Variants in ATP2B2 observed in about 807,000 individuals in gnomAD.
ATP2B2 encodes the protein plasma membrane calcium-transporting ATPase 2.
Under a neutral mutation model 120.0 loss-of-function variants are expected in ATP2B2, and 15 were observed. That is an observed-to-expected ratio of 0.12 (90% CI 0.08 to 0.19). ATP2B2 has a LOEUF of 0.19. ATP2B2 is among the 10% of genes least tolerant of loss of function. ATP2B2 has a pLI of 1.00. For missense variants in ATP2B2, 1,045 were observed against 1,719.8 expected (o/e 0.61, Z 6.94); for synonymous variants, 694 against 700.3 (o/e 0.99, Z 0.14).
intron 1 of ATP2B2, among the ~76,000 whole-genome samples, chr3:10,477,173 A>G (rs1338981876): frequency 6.6e-6 from 1 of 152,186 alleles, no homozygotes; most frequent in Non-Finnish European, 1.5e-5. Context: ...CCCACACTTC[A>G]GCTTCAACAG....
intron 1 of ATP2B2, among the ~76,000 whole-genome samples, chr3:10,654,351 C>A (rs11128522): frequency 0.46 from 70,296 of 151,974 alleles, 18,764 homozygotes; most frequent in Non-Finnish European, 0.6. Flanking sequence ...TACTTAGAAC[C>A]GGACACATAA....
intron 1 of ATP2B2, among the ~76,000 whole-genome samples, chr3:10,627,080 G>A (rs114086752): frequency 0.018 from 2,770 of 152,322 alleles, 84 homozygotes; most frequent in African/African-American, 0.063. Context: ...AAGAGTGGGT[G>A]AGTCAACTAA....
chr3:10,616,145 C>T (rs577780794), intron 2 of ATP2B2, among the ~76,000 whole-genome samples: 1 of 152,234 alleles, frequency 6.6e-6, no homozygotes, highest in Admixed American at 6.5e-5. Context: ...GTCCCTGTTA[C>T]AGCCTGAATT....
At chr3:10,624,174 C>CT (rs2069628670) in intron 1 of ATP2B2, among the ~76,000 whole-genome samples, 1 of 152,102 alleles carries the variant, frequency 6.6e-6, no homozygotes, top group Admixed American at 6.5e-5. Flanking sequence ...ACCTTGAAAA[C>CT]TTTTTTTGGA....
chr3:10,520,317 G>A (rs1446473950), intron 3 of ATP2B2, among the ~76,000 whole-genome samples: 1 of 152,186 alleles, frequency 6.6e-6, no homozygotes, highest in South Asian at 2.1e-4. Context: ...AGGGGAGGGG[G>A]GTGCCGGTTT....
intron 1 of ATP2B2, among the ~76,000 whole-genome samples, chr3:10,486,526 G>A (rs968639917): frequency 2.0e-5 from 3 of 151,964 alleles, no homozygotes; most frequent in African/African-American, 2.4e-5. Flanking sequence ...CTTTAAACGT[G>A]CCCAGTATGT....
chr3:10,350,222 G>A (rs751023595), intron 15 of ATP2B2, 23 bp from the exon 16 acceptor site: 3 of 1,593,668 alleles, frequency 1.9e-6, no homozygotes, highest in Admixed American at 1.7e-5. Context: ...GGGGAAGGGG[G>A]CGGGTCGGTG....
intron 10 of ATP2B2, among the ~76,000 whole-genome samples, chr3:10,377,631 G>A (rs184722852): frequency 6.6e-6 from 1 of 152,320 alleles, no homozygotes; most frequent in Non-Finnish European, 1.5e-5. Flanking sequence ...AGTTTGTTGT[G>A]CGGGGGCTCA....
At position 10,347,441 on chromosome 3, in the gene ATP2B2, G is replaced by A. The variant is rs536302330; in HGVS notation, c.2405-1304C>T. ...TCTCTCTGCTCTGTGCCTAGCAGACGGCAGCAGCCTGTGGAATGAGGCGCT... is the reference window on the plus strand; with the variant it reads ...TCTCTCTGCTCTGTGCCTAGCAGACAGCAGCAGCCTGTGGAATGAGGCGCT... On this transcript the variant is annotated intron_variant, in intron 16 of 22. Transcript: ENST00000360273. The surrounding 1 kb of genome is among the most constrained non-coding windows in gnomAD (Gnocchi z 5.2). Among the ~76,000 whole-genome samples, 16 of 152,310 alleles carry A rather than the reference G, an allele frequency of 1.1e-4. No homozygotes were observed. In the South Asian group the frequency reaches 2.3e-3, roughly 22 times the overall value.
At chr3:10,704,255 G>A (rs2071864460) in intron 1 of ATP2B2, among the ~76,000 whole-genome samples, 1 of 152,198 alleles carries the variant, frequency 6.6e-6, no homozygotes, top group African/African-American at 2.4e-5. Flanking sequence ...TCTTAGGACT[G>A]CCATGAAAAT....
At chr3:10,608,682 T>TGAAG (rs2069147715) in intron 2 of ATP2B2, among the ~76,000 whole-genome samples, 1 of 152,230 alleles carries the variant, frequency 6.6e-6, no homozygotes, top group Non-Finnish European at 1.5e-5. Flanking sequence ...TGCCAAGACC[T>TGAAG]GGTTGAAATG....
intron 1 of ATP2B2, among the ~76,000 whole-genome samples, chr3:10,456,136 C>T (rs956651120): frequency 6.6e-6 from 1 of 152,106 alleles, no homozygotes; most frequent in East Asian, 1.9e-4. Flanking sequence ...AAGAAGGAAT[C>T]TATCTTTCGA....
intron 1 of ATP2B2, among the ~76,000 whole-genome samples, chr3:10,645,463 G>C (rs551482254): frequency 2.6e-4 from 39 of 152,296 alleles, no homozygotes; most frequent in South Asian, 1.2e-3. Context: ...GAGGTGAGGT[G>C]TAAGGAGGTT....
chr3:10,640,017 A>C (rs1166327060), intron 1 of ATP2B2, among the ~76,000 whole-genome samples: 1 of 152,126 alleles, frequency 6.6e-6, no homozygotes, highest in African/African-American at 2.4e-5. Flanking sequence ...TTTTGCACTG[A>C]AAGTCTAGAC....
intron 22 of ATP2B2, chr3:10,332,210 C>T (rs951963284): frequency 3.1e-6 from 2 of 637,944 alleles, no homozygotes; most frequent in Non-Finnish European, 5.8e-6. Flanking sequence ...CCTAACAGTG[C>T]AAACTCCTTG....
At chr3:10,409,572 G>A (rs1421333898) in intron 3 of ATP2B2, among the ~76,000 whole-genome samples, 1 of 152,052 alleles carries the variant, frequency 6.6e-6, no homozygotes, top group Non-Finnish European at 1.5e-5. Context: ...CCTGTGAGAT[G>A]TATCTCTTGT....
chr3:10,422,001 G>A (rs1464433064), intron 2 of ATP2B2, among the ~76,000 whole-genome samples: 2 of 152,152 alleles, frequency 1.3e-5, no homozygotes, highest in African/African-American at 4.8e-5. Context: ...CACATTTACT[G>A]TGCATCTCTC....
chr3:10,604,280 C>T (rs2069002609), intron 2 of ATP2B2, among the ~76,000 whole-genome samples: 1 of 152,152 alleles, frequency 6.6e-6, no homozygotes, highest in Non-Finnish European at 1.5e-5. Context: ...AGACATCCAC[C>T]CACCTCCCTA....
intron 2 of ATP2B2, among the ~76,000 whole-genome samples, chr3:10,601,196 A>G (rs868088138): frequency 1.3e-5 from 2 of 152,142 alleles, no homozygotes; most frequent in Non-Finnish European, 2.9e-5. Context: ...TCTAGGCAAA[A>G]AAGAAGAAGG....
Sources: allele counts gnomAD v4.1 joint callset (sites outside exome capture counted in the v4.1 genomes callset), GRCh38; gene constraint gnomAD v4.1.1; non-coding constraint Gnocchi (gnomAD v3.1); transcripts MANE v1.5; gene names NCBI Gene and HGNC (gene_info 2026-07-23, HGNC 2026-07-21).